CUBN: variants seen among roughly 807,000 people sequenced by gnomAD.
CUBN encodes 460 kDa receptor.
A neutral mutation model predicts 405.3 loss-of-function variants in CUBN; 282 were observed. That is an observed-to-expected ratio of 0.70 (90% CI 0.63 to 0.77). The LOEUF (loss-of-function observed/expected upper bound fraction) is 0.77. Ranked by LOEUF, CUBN falls within the 30% of genes least tolerant of loss-of-function variation. CUBN has a pLI of 0.00. For missense variants in CUBN, 4,514 were observed against 4,475.2 expected (o/e 1.01, Z -0.25); for synonymous variants, 1,684 against 1,617.0 (o/e 1.04, Z -0.99).
chr10:16,840,900 A>G lies in CUBN; in HGVS notation c.9811T>C (p.Tyr3271His). ...TLEREGFNAT[Y>H]TIMDMPCGGT... is the part of the protein sequence containing the mutation. ...ATTTACTCACTGTCCATGATGGTGT[A>G]TGTAGCATTAAATCCTTCCCTCTCT... Residue 3271 changes from tyrosine (Y) to histidine (H), a missense_variant, in exon 61 of 67, where the codon TAC becomes CAC. Around this residue, in one of 5 missense-constraint regions of CUBN, gnomAD observed 1,186 missense variants for 1,186.9 expected, o/e 1.00. Transcript: ENST00000377833. 5 of 1,611,734 alleles carry G rather than the reference A, an allele frequency of 3.1e-6. No individual in the cohort carries two copies. The highest frequency in any genetic ancestry group is 4.2e-6 in the Non-Finnish European group (5 of 1,178,670).
At chr10:16,927,116 T>C (rs1307114252) in intron 41 of CUBN, among the ~76,000 whole-genome samples, 2 of 152,058 alleles carry the variant, frequency 1.3e-5, no homozygotes, top group African/African-American at 4.8e-5. Context: ...ATTATATACA[T>C]ATATAAACAC....
intron 62 of CUBN, among the ~76,000 whole-genome samples, chr10:16,838,345 G>C (rs1462290544): frequency 6.6e-6 from 1 of 152,150 alleles, no homozygotes; most frequent in East Asian, 1.9e-4. Flanking sequence ...ATGGGGCTTT[G>C]ACCATGACAT....
At chr10:16,869,392 T>C (rs1320694117) in intron 59 of CUBN, among the ~76,000 whole-genome samples, 2 of 151,960 alleles carry the variant, frequency 1.3e-5, no homozygotes. Context: ...CTTGAACTCC[T>C]GACCTCAGGT....
chr10:16,900,762 G>T lies in CUBN; in HGVS notation c.8273C>A (p.Pro2758His). ...ATTTCCACAGTATTGTCCTATGATG[G>T]GTGATTCAGGGGACCCACCATTCCT... The part of the protein sequence containing the change: ...TVRNGGSPES[P>H]IIGQYCGNSN... The change falls in exon 53 of 67, where the codon CCC becomes CAC. Residue 2758 changes from proline (P) to histidine (H), a missense_variant. Physicochemically the swap from Pro to His is moderately conservative, Grantham distance 77. Transcript: ENST00000377833. The T allele has an allele frequency of 6.2e-7, 1 of 1,614,010 alleles. No homozygotes were observed. The highest frequency in any genetic ancestry group is 8.5e-7 in the Non-Finnish European group (1 of 1,179,928).
chr10:17,072,536 G>A (rs2131849812), intron 17 of CUBN, among the ~76,000 whole-genome samples: 2 of 152,216 alleles, frequency 1.3e-5, no homozygotes, highest in Admixed American at 1.3e-4. Context: ...AGGCAACACA[G>A]TGAGACCCAG....
intron 28 of CUBN, among the ~76,000 whole-genome samples, chr10:17,019,595 T>C (rs966008409): frequency 3.3e-5 from 5 of 152,224 alleles, no homozygotes; most frequent in Admixed American, 6.5e-5. Context: ...AATTTATTAC[T>C]ACACCTACAA....
At chr10:16,964,021 C>G (rs1588526675) in intron 31 of CUBN, among the ~76,000 whole-genome samples, 1 of 152,170 alleles carries the variant, frequency 6.6e-6, no homozygotes, top group South Asian at 2.1e-4. Flanking sequence ...TTGAACAGTT[C>G]ATTTCTGTTT....
chr10:17,013,612 GA>G (rs1429340796), intron 28 of CUBN, among the ~76,000 whole-genome samples: 1 of 152,122 alleles, frequency 6.6e-6, no homozygotes, highest in Non-Finnish European at 1.5e-5. Context: ...TTTAATAGGG[GA>G]TCCCCCAGAG....
chr10:17,041,810 G>A (rs887656239), intron 26 of CUBN, among the ~76,000 whole-genome samples: 1 of 152,072 alleles, frequency 6.6e-6, no homozygotes, highest in Non-Finnish European at 1.5e-5. Flanking sequence ...CAAGCGAATA[G>A]ATAGAGTAGA....
Position 17,129,198 on chromosome 10 carries a change from G to C in CUBN, c.175C>G (p.Gln59Glu), listed in dbSNP as rs139326193. The C allele has an allele frequency of 3.0e-5, 48 of 1,613,606 alleles. No homozygotes were observed. The highest frequency in any genetic ancestry group is 6.7e-5 in the Admixed American group (4 of 59,990). The change falls in exon 2 of 67, where the codon CAA becomes GAA. Residue 59 changes from glutamine to glutamate, a missense_variant. By Grantham distance (29) the Gln-to-Glu change is conservative (BLOSUM62 2). Transcript: ENST00000377833. Reference sequence around the variant, plus strand: ...GATCCGGTTCTAAACTCAATGTTTTGAGCAGACCCCGTAAGAAACACCAAA... The same window carrying C: ...GATCCGGTTCTAAACTCAATGTTTTCAGCAGACCCCGTAAGAAACACCAAA... ...GNLVFLTGSA[Q>E]NIEFRTGSLG...
At chr10:16,910,401 AAAAATACATTTC>A (rs557330749) in intron 48 of CUBN, among the ~76,000 whole-genome samples, 60 of 152,360 alleles carry the variant, frequency 3.9e-4, no homozygotes, top group African/African-American at 1.4e-3. Context: ...TTGAACATAT[AAAAATACATTTC>A]AAAAAAAGGA....
intron 32 of CUBN, among the ~76,000 whole-genome samples, chr10:16,954,001 T>C (rs1842986329): frequency 1.3e-5 from 2 of 152,134 alleles, no homozygotes; most frequent in South Asian, 2.1e-4. Context: ...GATTCAGAAA[T>C]GAGGGAAACC....
intron 51 of CUBN, 85 bp from the exon 52 acceptor site, chr10:16,901,544 T>C (rs958458650): frequency 1.9e-6 from 3 of 1,543,670 alleles, no homozygotes; most frequent in Non-Finnish European, 2.7e-6. Context: ...ATCATAACCA[T>C]CAGATTTTGT....
intron 48 of CUBN, among the ~76,000 whole-genome samples, chr10:16,912,511 A>G (rs1033169984): frequency 1.3e-5 from 2 of 152,184 alleles, no homozygotes; most frequent in African/African-American, 4.8e-5. Flanking sequence ...GTGCTGCAAA[A>G]CAACATGGCA....
intron 64 of CUBN, among the ~76,000 whole-genome samples, chr10:16,833,683 A>C (rs764293279): frequency 7.2e-5 from 11 of 152,212 alleles, no homozygotes; most frequent in Non-Finnish European, 1.2e-4. Context: ...CTTGGTGCTA[A>C]GAAGCAGAAG....
chr10:17,110,564 G>A (rs1018222807), intron 9 of CUBN, among the ~76,000 whole-genome samples: 1 of 152,018 alleles, frequency 6.6e-6, no homozygotes, highest in Admixed American at 6.6e-5. Context: ...GTCTCACTCT[G>A]TTGCCTAGGC....
chr10:16,842,236 G>A (rs1839376395), intron 60 of CUBN, among the ~76,000 whole-genome samples: 1 of 151,872 alleles, frequency 6.6e-6, no homozygotes, highest in African/African-American at 2.4e-5. Flanking sequence ...TAGAGATGGG[G>A]TCTTCCTATG....
intron 22 of CUBN, among the ~76,000 whole-genome samples, chr10:17,048,510 C>T (rs1588610327): frequency 6.6e-6 from 1 of 151,858 alleles, no homozygotes; most frequent in South Asian, 2.1e-4. Flanking sequence ...CAGGGTCTTG[C>T]TCTGTTGCCA....
chr10:16,836,411 T>G (rs753090505), intron 62 of CUBN, 29 bp from the exon 63 acceptor site: 1 of 1,607,494 alleles, frequency 6.2e-7, no homozygotes. Context: ...CAAATCATGT[T>G]AGATTTAGTC....
Sources: allele counts gnomAD v4.1 joint callset (sites outside exome capture counted in the v4.1 genomes callset), GRCh38; gene constraint gnomAD v4.1.1; regional missense constraint gnomAD v4.1.1; transcripts MANE v1.5; gene names NCBI Gene and HGNC (gene_info 2026-07-23, HGNC 2026-07-21).